IHO1: variants seen among roughly 807,000 people sequenced by gnomAD.
IHO1 encodes interactor of HORMAD1 protein 1.
A neutral mutation model predicts 31.0 loss-of-function variants in IHO1; 13 were observed. That is an observed-to-expected ratio of 0.42 (90% CI 0.27 to 0.67). The LOEUF (loss-of-function observed/expected upper bound fraction) is 0.67. Among genes scored for constraint, IHO1 ranks in the 30% least tolerant of loss-of-function variants. The pLI is 0.24. For synonymous variants in IHO1, 221 were observed against 248.4 expected (o/e 0.89, Z 1.04); for missense variants, 599 against 687.5 (o/e 0.87, Z 1.44).
At chr3:49,191,632 A>G in the IHO1 span, 1 of 1,216,908 alleles carries the variant, frequency 8.2e-7, no homozygotes. Context: ...TCAGGGTCCT[A>G]TTCCAGGTTG....
At chr3:49,234,254 C>A (rs969024253) in intron 2 of IHO1, among the ~76,000 whole-genome samples, 2 of 145,728 alleles carry the variant, frequency 1.4e-5, no homozygotes, top group Admixed American at 7.1e-5. Flanking sequence ...CTCACTGCAA[C>A]CTCCAGCTCC....
At chr3:49,191,438 G>A in the IHO1 span, among the ~76,000 whole-genome samples, 1 of 152,186 alleles carries the variant, frequency 6.6e-6, no homozygotes, top group Non-Finnish European at 1.5e-5. Context: ...CCAGACTAGA[G>A]AGCAGCCAAA....
chr3:49,223,314 C>T, intron 2 of IHO1, among the ~76,000 whole-genome samples: 1 of 152,110 alleles, frequency 6.6e-6, no homozygotes, highest in East Asian at 1.9e-4. Context: ...TCGACCTTCC[C>T]TGAGGATTGT....
chr3:49,244,464 T>C lies in IHO1; in HGVS notation c.444+12T>C. ...AAAGCATTCTCAGGGTAAGTACAGATACTTTTCAAGGAGTTAGAACATCTT... is the reference window on the plus strand; with the variant it reads ...AAAGCATTCTCAGGGTAAGTACAGACACTTTTCAAGGAGTTAGAACATCTT... On this transcript the variant is annotated intron_variant, in intron 5 of 7. Coordinates refer to ENST00000452691, the MANE Select transcript of IHO1 (RefSeq NM_001135197.2). 1.3e-6 allele frequency: 2 copies of C among 1,532,936 alleles called. No individual in the cohort carries two copies. Among genetic ancestry groups the C allele is most frequent in the Non-Finnish European group, 1.8e-6 (2 of 1,123,330 alleles). 95.0% of individuals were successfully genotyped at this position (1,532,936 alleles called of 1,614,324 possible).
In IHO1 at chr3:49,236,550, A is replaced by G; in HGVS notation, c.59A>G (p.Asn20Ser). ...EMLSIPSGSG[N>S]KKSSNWNNNQ... is the part of the protein sequence containing the mutation. ...CACTTTTTTTTGCTAAATTTCAGGA[A>G]CAAGAAGTCATCCAACTGGAATAAT... The change falls in exon 3 of 8, where the codon AAC becomes AGC. Residue 20 changes from asparagine to serine, a missense_variant and splice_region_variant. Coordinates refer to ENST00000452691, the MANE Select transcript of IHO1 (RefSeq NM_001135197.2). The G allele has an allele frequency of 4.4e-6, 7 of 1,604,182 alleles. No homozygotes were observed. Among genetic ancestry groups the G allele is most frequent in the Non-Finnish European group, 6.0e-6 (7 of 1,173,718 alleles).
rs553097671 is a variant in IHO1, at chr3:49,249,279, T to G, written c.532+4546T>G. Among the ~76,000 whole-genome samples the G allele has an allele frequency of 1.3e-4, 20 of 152,240 alleles. 1 individual carries two copies. Among genetic ancestry groups the G allele is most frequent in the Admixed American group, 1.2e-3 (19 of 15,270 alleles). Reference sequence around the variant, plus strand: ...CTAGAAGAAAACATGGACAACATTTTTTTTTTTTTGAGATGGAGTTTCGCT... The same window carrying G: ...CTAGAAGAAAACATGGACAACATTTGTTTTTTTTTGAGATGGAGTTTCGCT... On this transcript the variant is annotated intron_variant, in intron 6 of 7. Coordinates refer to ENST00000452691, the MANE Select transcript of IHO1 (RefSeq NM_001135197.2).
In IHO1 at chr3:49,256,915, C is replaced by A; in HGVS notation, c.1418C>A (p.Ser473Tyr). 1 of 1,614,212 alleles carries A rather than the reference C, an allele frequency of 6.2e-7. No homozygotes were observed. The highest frequency in any genetic ancestry group is 8.5e-7 in the Non-Finnish European group (1 of 1,180,036). ...CCAATCCAGACCTGTAAATTCAATTCCAAATATCAGAGTCCTCAGCCTGCA... is the reference window on the plus strand; with the variant it reads ...CCAATCCAGACCTGTAAATTCAATTACAAATATCAGAGTCCTCAGCCTGCA... The part of the protein sequence containing the change: ...QIPIQTCKFN[S>Y]KYQSPQPAIS... The change falls in exon 8 of 8, where the codon TCC (serine) becomes TAC (tyrosine). Residue 473 changes from serine (S) to tyrosine (Y), a missense_variant. By Grantham distance (144) the Ser-to-Tyr change is moderately radical (BLOSUM62 -2). Transcript: ENST00000452691. This position sits in a 1 kb window ranked among gnomAD's most constrained non-coding sequence, Gnocchi z 4.6.
At chr3:49,240,316 T>G (rs775166801) in intron 3 of IHO1, among the ~76,000 whole-genome samples, 1 of 152,048 alleles carries the variant, frequency 6.6e-6, no homozygotes, top group Non-Finnish European at 1.5e-5. Flanking sequence ...CTCCTCCTTC[T>G]GTGTTAAAGC....
intron 4 of IHO1, 125 bp from the exon 5 acceptor site, chr3:49,244,279 A>C: frequency 1.5e-6 from 1 of 676,832 alleles, no homozygotes. Flanking sequence ...AAGTCTTCAG[A>C]TCTAATCAAG....
At chr3:49,237,646 G>C in intron 3 of IHO1, among the ~76,000 whole-genome samples, 1 of 151,580 alleles carries the variant, frequency 6.6e-6, no homozygotes. Flanking sequence ...ACTATTGTTT[G>C]TGAGAATTTA....
intron 4 of IHO1, among the ~76,000 whole-genome samples, chr3:49,242,106 G>A (rs1406877246): frequency 6.6e-6 from 1 of 151,374 alleles, no homozygotes; most frequent in Non-Finnish European, 1.5e-5. Flanking sequence ...AGCATGCCCA[G>A]CTCATTTTTG....
intron 2 of IHO1, among the ~76,000 whole-genome samples, chr3:49,232,707 A>T (rs1203351107): frequency 1.3e-5 from 2 of 152,226 alleles, no homozygotes; most frequent in African/African-American, 4.8e-5. Context: ...ACAGATCAAG[A>T]AGCTGTCACA....
At chr3:49,248,657 G>A (rs1347857094) in intron 6 of IHO1, among the ~76,000 whole-genome samples, 2 of 152,068 alleles carry the variant, frequency 1.3e-5, no homozygotes, top group African/African-American at 2.4e-5. Context: ...AACCTGGGAG[G>A]CAGAGGTTTC....
chr3:49,213,268 C>T (rs557257011), intron 2 of IHO1, among the ~76,000 whole-genome samples: 2 of 152,140 alleles, frequency 1.3e-5, no homozygotes, highest in South Asian at 4.1e-4. Flanking sequence ...GAGCTAGGCA[C>T]AGAGTGCTGA....
chr3:49,244,075 C>G (rs1278857403), intron 4 of IHO1, among the ~76,000 whole-genome samples: 1 of 151,856 alleles, frequency 6.6e-6, no homozygotes, highest in Non-Finnish European at 1.5e-5. Context: ...CTGTCTCAGC[C>G]TCCCCAGTAG....
chr3:49,241,953 T>C (rs1446668129), intron 4 of IHO1, among the ~76,000 whole-genome samples: 2 of 151,452 alleles, frequency 1.3e-5, no homozygotes, highest in Non-Finnish European at 2.9e-5. Context: ...TTATTATTAT[T>C]TTTTTCTGAG....
intron 6 of IHO1, 166 bp downstream of exon 6, chr3:49,244,899 G>T (rs761286874): frequency 2.9e-6 from 2 of 695,984 alleles, no homozygotes; most frequent in Admixed American, 2.1e-5. Flanking sequence ...CACTGAGCTG[G>T]GTAGTGAGGC....
intron 6 of IHO1, among the ~76,000 whole-genome samples, chr3:49,246,196 AAAAAAACTT>A (rs1424090799): frequency 6.6e-6 from 1 of 151,556 alleles, no homozygotes; most frequent in Non-Finnish European, 1.5e-5. Context: ...AAAAAAAAAA[AAAAAAACTT>A]GTTCTGGAAG....
Position 49,256,248 on chromosome 3 carries a change from C to A in IHO1, c.751C>A (p.Pro251Thr). 6.2e-7 allele frequency: 1 copy of A among 1,614,152 alleles called. No individual in the cohort carries two copies. Among genetic ancestry groups the A allele is most frequent in the South Asian group, 1.1e-5 (1 of 91,078 alleles). The change falls in exon 8 of 8, where the codon CCC becomes ACC. Residue 251 changes from proline (P) to threonine (T), a missense_variant. Transcript: ENST00000452691. The surrounding 1 kb of genome is among the most constrained non-coding windows in gnomAD (Gnocchi z 4.6). ...TGAGCAGCTAGGCCAGCTGAATGTGCCCAGTGTCCTAGCAGAGCTGAAGAG... is the reference window on the plus strand; with the variant it reads ...TGAGCAGCTAGGCCAGCTGAATGTGACCAGTGTCCTAGCAGAGCTGAAGAG... ...LCEQLGQLNV[P>T]SVLAELKRLI...
Sources: gnomAD v4.1 joint callset for allele counts (sites outside exome capture counted in the v4.1 genomes callset) on GRCh38, gnomAD v4.1.1 for gene constraint, Gnocchi (gnomAD v3.1) non-coding constraint, MANE v1.5 for transcripts, NCBI Gene and HGNC (gene_info 2026-07-23, HGNC 2026-07-21) for gene names.